SSUH2: variants seen among roughly 807,000 people sequenced by gnomAD.
SSUH2 encodes ssu-2 homolog, also known as protein SSUH2 homolog.
Under a neutral mutation model 55.3 loss-of-function variants are expected in SSUH2, and 47 were observed. The observed-to-expected ratio is 0.85, with a 90% CI of 0.67 to 1.08. The LOEUF (loss-of-function observed/expected upper bound fraction) is 1.08, where lower values mean the gene tolerates loss of function less well. SSUH2 is among the 50% of genes least tolerant of loss of function. SSUH2 has a pLI of 0.00. For missense variants in SSUH2, 535 were observed against 490.7 expected, an observed-to-expected ratio of 1.09 and a Z score of -0.85; for synonymous variants, 212 against 191.5, an observed-to-expected ratio of 1.11 and a Z score of -0.89.
chr3:8,634,352 C>T (rs990864895), intron 3 of SSUH2: 21 of 1,279,920 alleles, frequency 1.6e-5, no homozygotes, highest in Admixed American at 6.9e-5. Flanking sequence ...GCATGCCTCC[C>T]CCTCCTCCTG....
At chr3:8,648,707 G>C (rs375020968), upstream of SSUH2, among the ~76,000 whole-genome samples, 1 of 152,096 alleles carries the variant, frequency 6.6e-6, no homozygotes, top group Admixed American at 6.5e-5. Context: ...TCATTCCCTT[G>C]ATGTAGCTGA....
At chr3:8,652,186 C>T (rs182215584) in intron 7 of SSUH2, 1 of 152,338 alleles carries the variant, frequency 6.6e-6, no homozygotes, top group East Asian at 1.9e-4. Flanking sequence ...CAGAACTCTC[C>T]CACCTTCCCT....
chr3:8,619,737 G>A lies in SSUH2; in HGVS notation c.*131C>T. ...TTGGAGCTTGATAGATGATAAGCTGGTTTTTCTGGAAGGACATGCCAGGGT... is the reference window on the plus strand; with the variant it reads ...TTGGAGCTTGATAGATGATAAGCTGATTTTTCTGGAAGGACATGCCAGGGT... On this transcript the variant is annotated 3_prime_UTR_variant, in exon 12 of 12. Transcript: ENST00000544814. The A allele has an allele frequency of 1.8e-6, 2 of 1,104,026 alleles. No homozygotes were observed. Among genetic ancestry groups the A allele is most frequent in the Non-Finnish European group, 2.6e-6 (2 of 779,270 alleles). 68.4% of individuals were successfully genotyped at this position (1,104,026 alleles called of 1,614,324 possible).
intron 2 of SSUH2, among the ~76,000 whole-genome samples, chr3:8,678,831 G>T (rs1705670189): frequency 8.7e-6 from 1 of 114,894 alleles, no homozygotes; most frequent in Non-Finnish European, 2.0e-5. Context: ...CTCCCCACGA[G>T]GCGGGGACTG....
At chr3:8,677,561 C>T (rs138212039) in intron 2 of SSUH2, among the ~76,000 whole-genome samples, 11,806 of 150,700 alleles carry the variant, frequency 0.078, 867 homozygotes, top group Non-Finnish European at 0.1. Flanking sequence ...TGGGGCTACC[C>T]GATCTGACAC....
chr3:8,633,951 G>A (rs1251224212), intron 3 of SSUH2, 156 bp from the exon 4 acceptor site: 1 of 1,613,524 alleles, frequency 6.2e-7, no homozygotes, highest in Non-Finnish European at 8.5e-7. Flanking sequence ...CCTGCAAAGG[G>A]GACCATGTGA....
chr3:8,655,530 C>A (rs1420871452), intron 7 of SSUH2, among the ~76,000 whole-genome samples: 9 of 152,290 alleles, frequency 5.9e-5, no homozygotes, highest in African/African-American at 1.9e-4. Context: ...TGTGTGGCCT[C>A]CCCGAGATCA....
In SSUH2 at chr3:8,678,425, C is replaced by T. The variant is rs542093316; in HGVS notation, c.-900-1072G>A. On this transcript the variant is annotated intron_variant, in intron 2 of 18. Transcript: ENST00000317371. ...ATTCACAGGCTGGGTGAACAGCCTG[C>T]GATGCTGGAATTATTATCCTCTCCG... 3.6e-4 allele frequency among the ~76,000 whole-genome samples: 55 copies of T among 152,154 alleles called. 3 individuals are homozygous for T. The highest frequency in any genetic ancestry group is 1.1e-3 in the African/African-American group (44 of 41,528).
Position 8,629,657 on chromosome 3 carries a change from G to GACTCACCAGTGGTTCACAGATT in SSUH2, c.588+6_588+7insAATCTGTGAACCACTGGTGAGT. 2 of 1,614,084 alleles carry GACTCACCAGTGGTTCACAGATT rather than the reference G, an allele frequency of 1.2e-6. No individual in the cohort carries two copies. Among genetic ancestry groups the GACTCACCAGTGGTTCACAGATT allele is most frequent in the Non-Finnish European group, 1.7e-6 (2 of 1,179,994 alleles). ...ACTGACTCACCAGTGGTTCACAGAT[G>GACTCACCAGTGGTTCACAGATT]ACTCACCGTGCCCGCCCCGTGGCAG... On this transcript the variant is annotated splice_region_variant and intron_variant, in intron 7 of 11. Transcript: ENST00000544814.
At chr3:8,633,998 A>G in intron 3 of SSUH2, 3 of 1,575,310 alleles carry the variant, frequency 1.9e-6, no homozygotes, top group Non-Finnish European at 2.6e-6. Flanking sequence ...AGGTTTTCCT[A>G]GAGAACAGCC....
intron 6 of SSUH2, chr3:8,659,785 G>T (rs1166325442): frequency 2.2e-6 from 1 of 456,362 alleles, no homozygotes; most frequent in Non-Finnish European, 4.4e-6. Context: ...TAAGAGATAT[G>T]GAGATTCATC....
intron 3 of SSUH2, chr3:8,634,578 T>A: frequency 1.6e-6 from 2 of 1,289,776 alleles, no homozygotes; most frequent in Non-Finnish European, 2.0e-6. Flanking sequence ...GATCCATGGA[T>A]GGCAGCACAA....
intron 11 of SSUH2, among the ~76,000 whole-genome samples, chr3:8,620,430 A>G (rs1696185102): frequency 6.6e-6 from 1 of 152,204 alleles, no homozygotes; most frequent in Admixed American, 6.5e-5. Context: ...TGAGTCCATG[A>G]AAACTCTTTC....
At position 8,623,419 on chromosome 3, in the gene SSUH2, C is replaced by T. The variant is rs1696847905; in HGVS notation, c.981+130G>A. ...GGCCTTAGGTCAGGCCCTACCCCTT[C>T]CCACACTCCTCCCCCGGGACCTCCC... On this transcript the variant is annotated intron_variant, in intron 11 of 11. Transcript: ENST00000544814. 3 of 669,184 alleles carry T rather than the reference C, an allele frequency of 4.5e-6. No homozygotes were observed. The African/African-American group carries it at 5.3e-5, about 12-fold the overall frequency. 41.5% of individuals were successfully genotyped at this position (669,184 alleles called of 1,614,324 possible). A position where few individuals can be genotyped will look rare whatever the true frequency, so the allele number is the denominator to read the frequency against.
At position 8,632,127 on chromosome 3, in the gene SSUH2, G is replaced by T. The variant is rs779516272; in HGVS notation, c.340-18C>A. ...AGACGGTACTAAAAGGAAAAAAACA[G>T]CATGTTCACACTCGTGCCCCTTATG... is the stretch of plus-strand genomic sequence containing the variant. On this transcript the variant is annotated intron_variant, in intron 4 of 11. Coordinates refer to ENST00000544814, the MANE Select transcript of SSUH2 (RefSeq NM_001256748.3). 2 of 1,608,796 alleles carry T rather than the reference G, an allele frequency of 1.2e-6. No homozygotes were observed. The highest frequency in any genetic ancestry group is 4.5e-5 in the East Asian group (2 of 44,858).
chr3:8,629,310 G>C (rs1287783577), intron 7 of SSUH2: 1 of 273,600 alleles, frequency 3.7e-6, no homozygotes, highest in Non-Finnish European at 6.9e-6. Context: ...GGAGTTGCTT[G>C]TTGGTTTCCC....
chr3:8,676,524 C>T lies in SSUH2; in HGVS notation c.-753+682G>A, dbSNP rs1348566951. Among the ~76,000 whole-genome samples the T allele has an allele frequency of 9.3e-5, 14 of 151,058 alleles. 2 individuals carry two copies. Among genetic ancestry groups the T allele is most frequent in the Non-Finnish European group, 1.3e-4 (9 of 67,888 alleles). On this transcript the variant is annotated intron_variant, in intron 3 of 18. Coordinates refer to the SSUH2 transcript ENST00000317371. ...GAATATTATTAAGGACCATCTCACA[C>T]GGGGGTGAATACTTACTGCCATATT...
chr3:8,650,606 T>C (rs561249693), intron 7 of SSUH2, among the ~76,000 whole-genome samples: 1 of 152,318 alleles, frequency 6.6e-6, no homozygotes, highest in Non-Finnish European at 1.5e-5. Flanking sequence ...TTTCTAGACA[T>C]TTACTTCTTC....
intron 5 of SSUH2, among the ~76,000 whole-genome samples, chr3:8,666,762 G>GA (rs1704030774): frequency 1.3e-5 from 2 of 152,162 alleles, no homozygotes; most frequent in Admixed American, 6.5e-5. Flanking sequence ...CAGTCCCCAA[G>GA]ACCACACCAC....
Sources: allele counts gnomAD v4.1 joint callset (sites outside exome capture counted in the v4.1 genomes callset), GRCh38; gene constraint gnomAD v4.1.1; transcripts MANE v1.5; gene names NCBI Gene and HGNC (gene_info 2026-07-23, HGNC 2026-07-21).